Variants in RYR1 observed in about 807,000 individuals in gnomAD.
RYR1 encodes the protein central core disease of muscle.
RYR1 carries 342 observed loss-of-function variants against 583.5 expected under a neutral mutation model. The ratio of observed to expected loss-of-function variants is 0.59; its 90% CI spans 0.54 to 0.64. The LOEUF (loss-of-function observed/expected upper bound fraction) is 0.64. Among genes scored for constraint, RYR1 ranks in the 30% least tolerant of loss-of-function variants. The probability of loss-of-function intolerance (pLI) is 0.00; values close to 1 mark genes in which losing one functional copy is unlikely to be tolerated. For synonymous variants in RYR1, 2,791 were observed against 2,822.5 expected (o/e 0.99, Z 0.35); for missense variants, 6,032 against 6,917.2 (o/e 0.87, Z 4.54).
intron 23 of RYR1, 112 bp from the exon 24 acceptor site, chr19:38,465,979 G>A: frequency 9.8e-7 from 1 of 1,018,862 alleles, no homozygotes; most frequent in Non-Finnish European, 1.5e-6. Context: ...TTATATCAAA[G>A]GTCAGAAACG....
chr19:38,439,652 G>A (rs567716344), intron 1 of RYR1, among the ~76,000 whole-genome samples: 5 of 151,906 alleles, frequency 3.3e-5, no homozygotes, highest in South Asian at 2.1e-4. Context: ...AACTACAGGC[G>A]TGCACCACCA....
intron 89 of RYR1, among the ~76,000 whole-genome samples, chr19:38,560,491 G>A (rs1973076781): frequency 6.6e-6 from 1 of 152,134 alleles, no homozygotes. Flanking sequence ...CACTTTGGGA[G>A]GCCGAGGCGG....
chr19:38,485,854 C>T lies in RYR1; in HGVS notation c.5199C>T (p.Tyr1733=), dbSNP rs753784012. ...GCCGCCGCTCCATGCTCTCTGAATA[C>T]ATCGTGCCCCTCACGCCTGAGACCC... is the stretch of plus-strand genomic sequence containing the variant. ...CRSRRSMLSE[Y]IVPLTPETRA... The change falls in exon 34 of 106, where the codon TAC becomes TAT. Residue 1733 remains tyrosine, a synonymous_variant. Coordinates refer to ENST00000359596, the MANE Select transcript of RYR1 (RefSeq NM_000540.3). The T allele has an allele frequency of 2.5e-6, 4 of 1,613,708 alleles. No individual in the cohort carries two copies. The highest frequency in any genetic ancestry group is 1.3e-5 in the African/African-American group (1 of 74,932).
intron 1 of RYR1, 89 bp downstream of exon 1, chr19:38,433,963 C>A: frequency 1.7e-6 from 2 of 1,164,608 alleles, no homozygotes; most frequent in Non-Finnish European, 2.6e-6. Context: ...GTCCGGCTTG[C>A]TGGTGGTCTC....
chr19:38,527,901 G>T, intron 73 of RYR1, 117 bp downstream of exon 73: 1 of 1,251,312 alleles, frequency 8.0e-7, no homozygotes, highest in Non-Finnish European at 1.1e-6. Flanking sequence ...GGGCAGGGCA[G>T]GAGGTGGAGC....
chr19:38,478,439 A>C lies in RYR1; in HGVS notation c.4459A>C (p.Lys1487Gln), dbSNP rs1968852685. 3 of 1,613,476 alleles carry C rather than the reference A, an allele frequency of 1.9e-6. No homozygotes were observed. Among genetic ancestry groups the C allele is most frequent in the Non-Finnish European group, 2.5e-6 (3 of 1,180,002 alleles). The change falls in exon 31 of 106, where the codon AAG becomes CAG. Residue 1487 changes from lysine to glutamine, a missense_variant. By Grantham distance (53) the Lys-to-Gln change is moderately conservative. Transcript: ENST00000359596. ...GACCGCTTCTGTCTCCTGCAGCCTC[A>C]AGTGTAGCAACTGCTACATGGTGTG... Reference protein sequence around the residue: ...DEQGNVHSSLKCSNCYMVWGG... With the variant: ...DEQGNVHSSLQCSNCYMVWGG...
At chr19:38,548,147 G>A in intron 88 of RYR1, 86 bp from the exon 89 acceptor site, 1 of 1,438,422 alleles carries the variant, frequency 7.0e-7, no homozygotes, top group Non-Finnish European at 9.7e-7. Context: ...GCAGCGTGGT[G>A]GCTCCTGGGC....
In RYR1 at chr19:38,496,615, C is replaced by G; in HGVS notation, c.6796+74C>G. ...ACCCCGTCCAGGCCTGCCCCACTTT[C>G]CACCAGCTCACTCATTCAACAAACA... On this transcript the variant is annotated intron_variant, in intron 41 of 105. Coordinates refer to ENST00000359596, the MANE Select transcript of RYR1 (RefSeq NM_000540.3). The surrounding 1 kb of genome is among the most constrained non-coding windows in gnomAD (Gnocchi z 4.8). 6.4e-7 allele frequency: 1 copy of G among 1,568,156 alleles called. No individual in the cohort carries two copies. Among genetic ancestry groups the G allele is most frequent in the African/African-American group, 1.3e-5 (1 of 74,150 alleles).
intron 12 of RYR1, among the ~76,000 whole-genome samples, chr19:38,452,395 A>G (rs764250495): frequency 2.5e-4 from 38 of 152,090 alleles, no homozygotes; most frequent in Non-Finnish European, 4.7e-4. Context: ...GAGCCACTAT[A>G]CTCCAGCTTC....
intron 25 of RYR1, 199 bp downstream of exon 25, chr19:38,468,011 A>G (rs948707664): frequency 4.9e-6 from 3 of 612,570 alleles, no homozygotes; most frequent in African/African-American, 1.8e-5. Context: ...ACATCCATCT[A>G]TCCAACCAAC....
At position 38,512,067 on chromosome 19, in the gene RYR1, C is replaced by T. The variant is rs527599800; in HGVS notation, c.9173-5C>T. On this transcript the variant is annotated splice_region_variant and splice_polypyrimidine_tract_variant and intron_variant, in intron 61 of 105. Transcript: ENST00000359596. This position sits in a 1 kb window ranked among gnomAD's most constrained non-coding sequence, Gnocchi z 5.1. ...GCATCCCCCCGGCCCATCTTCCTCT[C>T]CCAGGGACAGACGCCCCAGCTGTGG... 1.2e-6 allele frequency: 2 copies of T among 1,613,904 alleles called. No individual in the cohort carries two copies. The highest frequency in any genetic ancestry group is 1.7e-6 in the Non-Finnish European group (2 of 1,179,930).
At chr19:38,486,415 C>G (rs1969301160) in intron 34 of RYR1, among the ~76,000 whole-genome samples, 1 of 152,182 alleles carries the variant, frequency 6.6e-6, no homozygotes, top group South Asian at 2.1e-4. Flanking sequence ...GCAATCTCAG[C>G]TCACTGCAAC....
intron 88 of RYR1, 64 bp from the exon 89 acceptor site, chr19:38,548,169 G>T (rs920284733): frequency 1.9e-6 from 3 of 1,585,600 alleles, no homozygotes; most frequent in Non-Finnish European, 2.6e-6. Context: ...GGAAAGAGAG[G>T]CAAGCCTGGT....
intron 35 of RYR1, 39 bp downstream of exon 35, chr19:38,489,482 T>G: frequency 6.2e-7 from 1 of 1,612,992 alleles, no homozygotes. Flanking sequence ...TCTGTCCATC[T>G]GGGCTGGGAG....
In RYR1 at chr19:38,503,599, C is replaced by T. The variant is rs373707473; in HGVS notation, c.7927-621C>T. Among the ~76,000 whole-genome samples the T allele has an allele frequency of 8.5e-5, 13 of 152,116 alleles. 1 individual carries two copies. The highest frequency in any genetic ancestry group is 3.1e-4 in the African/African-American group (13 of 41,484). Reference sequence around the variant, plus strand: ...ACCAGCCTGGCCAACATGGCGAAACCCCATCTCTACTAAAACTACAAAAAT... The same window carrying T: ...ACCAGCCTGGCCAACATGGCGAAACTCCATCTCTACTAAAACTACAAAAAT... On this transcript the variant is annotated intron_variant, in intron 49 of 105. Coordinates refer to ENST00000359596, the MANE Select transcript of RYR1 (RefSeq NM_000540.3).
rs376229195 is a variant in RYR1 at position 38,566,985 on chromosome 19, C to G, written c.13512C>G (p.Ala4504=). 3.1e-6 allele frequency: 5 copies of G among 1,592,058 alleles called. No homozygotes were observed. Among genetic ancestry groups the G allele is most frequent in the Non-Finnish European group, 3.4e-6 (4 of 1,169,128 alleles). Residue 4504 remains alanine (A), a splice_region_variant and synonymous_variant, in exon 92 of 106, where the codon GCC becomes GCG. Transcript: ENST00000359596. ...EPEPELEPEK[A]DAENGEKEEV... is the part of the protein sequence containing the mutation. ...AACCAGAGCTGGAGCCGGAGAAAGC[C>G]GAGTGAGTGGCCTTGGGGCTGAGGG... is the stretch of plus-strand genomic sequence containing the variant.
chr19:38,512,521 CAG>C lies in RYR1; in HGVS notation c.9472+39_9472+40del. On this transcript the variant is annotated intron_variant, in intron 63 of 105. Coordinates refer to ENST00000359596, the MANE Select transcript of RYR1 (RefSeq NM_000540.3). This position sits in a 1 kb window ranked among gnomAD's most constrained non-coding sequence, Gnocchi z 5.1. ...GACCCAAGGGCAGGTTGCGGGGAGTCAGTGTGGCCAACACCACCCATCCGGGT... is the reference window on the plus strand; with the variant it reads ...GACCCAAGGGCAGGTTGCGGGGAGTCTGTGGCCAACACCACCCATCCGGGT... 2 of 1,581,322 alleles carry C rather than the reference CAG, an allele frequency of 1.3e-6. No individual in the cohort carries two copies. Among genetic ancestry groups the C allele is most frequent in the Non-Finnish European group, 1.7e-6 (2 of 1,160,784 alleles).
At chr19:38,506,725 T>TCAA in intron 56 of RYR1, 104 bp from the exon 57 acceptor site, 1 of 1,490,914 alleles carries the variant, frequency 6.7e-7, no homozygotes, top group Non-Finnish European at 8.9e-7. Context: ...ATTCGTATCT[T>TCAA]CTTTATCACC....
chr19:38,483,443 G>A lies in RYR1; in HGVS notation c.4861G>A (p.Glu1621Lys), dbSNP rs1398897130. The change falls in exon 33 of 106, where the codon GAG (glutamate) becomes AAG (lysine). Residue 1621 changes from glutamate to lysine, a missense_variant. Physicochemically the swap from Glu to Lys is moderately conservative, Grantham distance 56 (BLOSUM62 1). Around this residue, in one of 11 missense-constraint regions of RYR1, gnomAD observed 2,627 missense variants for 2,961.3 expected, o/e 0.89. Coordinates refer to ENST00000359596, the MANE Select transcript of RYR1 (RefSeq NM_000540.3). The surrounding 1 kb of genome is among the most constrained non-coding windows in gnomAD (Gnocchi z 6.3). ...FLQVETRRAG[E>K]RLGWAVQCQE... The stretch of plus-strand genomic sequence containing the variant: ...GCAGGTGGAGACGAGGCGTGCCGGC[G>A]AGCGGCTGGGCTGGGCCGTGCAGTG... The A allele has an allele frequency of 4.4e-6, 7 of 1,573,216 alleles. No individual in the cohort carries two copies. Among genetic ancestry groups the A allele is most frequent in the Non-Finnish European group, 4.3e-6 (5 of 1,162,232 alleles).
Sources: allele counts gnomAD v4.1 joint callset (sites outside exome capture counted in the v4.1 genomes callset), GRCh38; gene constraint gnomAD v4.1.1; regional missense constraint gnomAD v4.1.1; non-coding constraint Gnocchi (gnomAD v3.1); transcripts MANE v1.5; gene names NCBI Gene and HGNC (gene_info 2026-07-23, HGNC 2026-07-21).